The following STRADB variants were observed in gnomAD, a reference collection of about 807,000 sequenced individuals.
The protein encoded by STRADB is STE20 related adaptor beta, also known as STE20-related kinase adapter protein beta.
STRADB carries 34 observed loss-of-function variants against 52.1 expected under a neutral mutation model. The ratio of observed to expected loss-of-function variants is 0.65; its 90% CI spans 0.50 to 0.87. STRADB has a LOEUF of 0.87. STRADB is among the 40% of genes least tolerant of loss of function. STRADB has a pLI of 0.00. For missense variants in STRADB, 340 were observed against 483.9 expected, an observed-to-expected ratio of 0.70 and a Z score of 2.79; for synonymous variants, 133 against 174.5, an observed-to-expected ratio of 0.76 and a Z score of 1.87.
intron 3 of STRADB, among the ~76,000 whole-genome samples, chr2:201,464,322 C>A (rs1329822433): frequency 1.3e-5 from 2 of 151,964 alleles, no homozygotes; most frequent in Non-Finnish European, 2.9e-5. Context: ...TCAAGCCCAG[C>A]AAAACTGTGA....
At chr2:201,475,816 A>T (rs1381017227) in intron 7 of STRADB, 74 bp downstream of exon 7, 2 of 1,476,110 alleles carry the variant, frequency 1.4e-6, no homozygotes, top group Non-Finnish European at 1.8e-6. Context: ...TTTAGGAAGG[A>T]GCAGTTGAAT....
intron 3 of STRADB, among the ~76,000 whole-genome samples, chr2:201,463,518 A>G (rs1576557421): frequency 6.6e-6 from 1 of 151,796 alleles, no homozygotes; most frequent in Non-Finnish European, 1.5e-5. Flanking sequence ...TTTGATTGTT[A>G]AATGTCTTTT....
At chr2:201,479,918 C>A in intron 11 of STRADB, 114 bp from the exon 12 acceptor site, 1 of 1,345,906 alleles carries the variant, frequency 7.4e-7, no homozygotes, top group Non-Finnish European at 1.0e-6. Context: ...GGGGAAATAC[C>A]TGAAAACAAT....
chr2:201,455,149 T>C (rs1355699452), intron 2 of STRADB, among the ~76,000 whole-genome samples: 1 of 152,208 alleles, frequency 6.6e-6, no homozygotes, highest in Non-Finnish European at 1.5e-5. Flanking sequence ...AGCTATGCCT[T>C]ATCTTTTAAA....
At chr2:201,452,091 G>T (rs1157368996) in intron 1 of STRADB, among the ~76,000 whole-genome samples, 153 bp downstream of exon 1, 1 of 152,050 alleles carries the variant, frequency 6.6e-6, no homozygotes, top group Non-Finnish European at 1.5e-5. Flanking sequence ...GGCGGGAGCC[G>T]TGGCAAGAAT....
chr2:201,458,939 A>G (rs1559462511), intron 3 of STRADB, 75 bp downstream of exon 3: 2 of 1,343,052 alleles, frequency 1.5e-6, no homozygotes, highest in Non-Finnish European at 1.1e-6. Flanking sequence ...AGGCAGGAGA[A>G]TCACTTGAGC....
At chr2:201,461,881 C>T (rs759740864) in intron 3 of STRADB, among the ~76,000 whole-genome samples, 3 of 152,182 alleles carry the variant, frequency 2.0e-5, no homozygotes, top group Non-Finnish European at 4.4e-5. Context: ...TAGGGGTCTA[C>T]TTTCATTCTT....
At position 201,458,858 on chromosome 2, in the gene STRADB, A is replaced by C. The variant is rs1338450080; in HGVS notation, c.87A>C (p.Gln29His). The C allele has an allele frequency of 1.2e-6, 2 of 1,613,220 alleles. No homozygotes were observed. Among genetic ancestry groups the C allele is most frequent in the African/African-American group, 1.3e-5 (1 of 74,870 alleles). ...AACAGTCTGAAACCAGTATCCATCAATACTTGGTAAGAAAATGGTTAGGCT... is the reference window on the plus strand; with the variant it reads ...AACAGTCTGAAACCAGTATCCATCACTACTTGGTAAGAAAATGGTTAGGCT... ...PEKQSETSIH[Q>H]YLVDEPTLSW... Residue 29 changes from glutamine to histidine, a missense_variant, in exon 3 of 12, where the codon CAA becomes CAC. Transcript: ENST00000194530.
chr2:201,455,047 G>A (rs77225221), intron 2 of STRADB, among the ~76,000 whole-genome samples, 195 bp downstream of exon 2: 3,174 of 152,136 alleles, frequency 0.021, 48 homozygotes, highest in Middle Eastern at 0.041. Context: ...AGAACTTCTC[G>A]TATACTTCAA....
rs78822292 is a variant in STRADB at position 201,460,019 on chromosome 2, G to A, written c.93+1155G>A. 2.3e-3 allele frequency among the ~76,000 whole-genome samples: 348 copies of A among 151,830 alleles called. 2 individuals carry two copies. In the East Asian group the frequency reaches 0.028, roughly 12 times the overall value. The stretch of plus-strand genomic sequence containing the variant: ...TGGGATCTTTTCCTCTCCTTATTCC[G>A]TACTTTATACTGCATTTTTTACTAC... On this transcript the variant is annotated intron_variant, in intron 3 of 11. Coordinates refer to ENST00000194530, the MANE Select transcript of STRADB (RefSeq NM_018571.6).
intron 2 of STRADB, 26 bp from the exon 3 acceptor site, chr2:201,458,758 T>G (rs1369674927): frequency 1.9e-6 from 3 of 1,607,178 alleles, no homozygotes; most frequent in Non-Finnish European, 2.6e-6. Context: ...TATTTTTCAC[T>G]TATATAATGC....
At chr2:201,459,626 G>T (rs914085244) in intron 3 of STRADB, among the ~76,000 whole-genome samples, 6 of 152,258 alleles carry the variant, frequency 3.9e-5, no homozygotes, top group Admixed American at 3.9e-4. Flanking sequence ...GGCTCTTGCA[G>T]GTGGACTCCT....
intron 7 of STRADB, 111 bp from the exon 8 acceptor site, chr2:201,477,508 G>A (rs1490276252): frequency 1.2e-5 from 13 of 1,124,550 alleles, no homozygotes; most frequent in Admixed American, 1.1e-4. Context: ...CTGCTGTTTT[G>A]TAAAGGGTAT....
intron 3 of STRADB, among the ~76,000 whole-genome samples, chr2:201,459,880 T>A (rs1952186767): frequency 9.8e-6 from 1 of 102,162 alleles, no homozygotes. Flanking sequence ...CCTCTGAAAT[T>A]CTTCCTCATC....
chr2:201,480,096 T>C lies in STRADB; in HGVS notation c.1178T>C (p.Ile393Thr), dbSNP rs1278510708. ...LLPPAYNKPSISLPPVLPWTE... is the reference protein window; with the variant it reads ...LLPPAYNKPSTSLPPVLPWTE... ...CCTCCTGCTTATAACAAGCCATCAA[T>C]ATCATTGCCTCCAGTGTTACCTTGG... Residue 393 changes from isoleucine to threonine, a missense_variant, in exon 12 of 12, where the codon ATA (isoleucine) becomes ACA (threonine). Ile to Thr is a moderately conservative substitution (Grantham distance 89). Transcript: ENST00000194530. 6.2e-7 allele frequency: 1 copy of C among 1,613,878 alleles called. No individual in the cohort carries two copies. The highest frequency in any genetic ancestry group is 8.5e-7 in the Non-Finnish European group (1 of 1,179,800).
chr2:201,455,610 G>A (rs1227831887), intron 2 of STRADB, among the ~76,000 whole-genome samples: 1 of 151,910 alleles, frequency 6.6e-6, no homozygotes, highest in Non-Finnish European at 1.5e-5. Context: ...GAGGGTTAAG[G>A]TGGGAGGATC....
intron 9 of STRADB, 49 bp downstream of exon 9, chr2:201,478,240 T>A: frequency 1.9e-6 from 3 of 1,593,952 alleles, no homozygotes; most frequent in African/African-American, 1.3e-5. Context: ...TAAGACTGCT[T>A]ACATTCTAGA....
At position 201,463,219 on chromosome 2, in the gene STRADB, C is replaced by A. The variant is rs562043119; in HGVS notation, c.93+4355C>A. 2.0e-5 allele frequency among the ~76,000 whole-genome samples: 3 copies of A among 152,122 alleles called. No individual in the cohort carries two copies. In the South Asian group the frequency reaches 6.2e-4, roughly 32 times the overall value. On this transcript the variant is annotated intron_variant, in intron 3 of 11. Coordinates refer to ENST00000194530, the MANE Select transcript of STRADB (RefSeq NM_018571.6). ...GGGCGTGGTGGCACACGCCTGTAAT[C>A]CCGCCTACTTGGGAGGCTGAGGCAG...
intron 3 of STRADB, among the ~76,000 whole-genome samples, chr2:201,463,699 C>G (rs1178691398): frequency 1.3e-5 from 2 of 152,136 alleles, no homozygotes; most frequent in African/African-American, 4.8e-5. Context: ...TCTTTCTCTA[C>G]CTCCTCTTCA....
Sources: gnomAD v4.1 joint callset for allele counts (sites outside exome capture counted in the v4.1 genomes callset) on GRCh38, gnomAD v4.1.1 for gene constraint, MANE v1.5 for transcripts, NCBI Gene and HGNC (gene_info 2026-07-23, HGNC 2026-07-21) for gene names.